The following SLAIN1 variants were observed in gnomAD, a reference collection of about 807,000 sequenced individuals.
The protein encoded by SLAIN1 is SLAIN motif-containing protein 1.
A neutral mutation model predicts 55.4 loss-of-function variants in SLAIN1; 17 were observed. The ratio of observed to expected loss-of-function variants is 0.31; its 90% CI spans 0.21 to 0.46. The LOEUF (loss-of-function observed/expected upper bound fraction) is 0.46. SLAIN1 is among the 20% of genes least tolerant of loss of function. The pLI is 1.00. For missense variants in SLAIN1, 682 were observed against 785.1 expected (o/e 0.87, Z 1.57); for synonymous variants, 348 against 337.4 (o/e 1.03, Z -0.35).
rs570937387 is a variant in SLAIN1 at position 77,730,093 on chromosome 13, T to C, written c.766+10422T>C. The stretch of plus-strand genomic sequence containing the variant: ...GGAAAGGCCCTGCAGTGGGACATAA[T>C]GTGAGGAAACGGCAGGCTGTTGTGG... On this transcript the variant is annotated intron_variant, in intron 2 of 6. Coordinates refer to ENST00000418532, the MANE Select transcript of SLAIN1 (RefSeq NM_001242868.2). Among the ~76,000 whole-genome samples, 142 of 152,216 alleles carry C rather than the reference T, an allele frequency of 9.3e-4. 1 individual carries two copies. Among genetic ancestry groups the C allele is most frequent in the African/African-American group, 3.2e-3 (134 of 41,534 alleles).
At chr13:77,728,152 G>A (rs529530894) in intron 2 of SLAIN1, among the ~76,000 whole-genome samples, 4 of 151,614 alleles carry the variant, frequency 2.6e-5, no homozygotes, top group East Asian at 1.9e-4. Context: ...TTTCTAACTC[G>A]CCCATCTTTC....
Position 77,697,997 on chromosome 13 carries a change from G to A in SLAIN1, c.84G>A (p.Glu28=). ...GGCCGGTGGTGAACGCGGAGCTGGA[G>A]GTGAAGAAGCTGCAGGAGCTGGTGC... ...GSGPVVNAEL[E]VKKLQELVRK... Residue 28 remains glutamate (E), a synonymous_variant, in exon 1 of 7, where the codon GAG becomes GAA. Transcript: ENST00000418532. 1.4e-6 allele frequency: 2 copies of A among 1,441,970 alleles called. No homozygotes were observed. Among genetic ancestry groups the A allele is most frequent in the Non-Finnish European group, 9.2e-7 (1 of 1,087,738 alleles). 89.3% of individuals were successfully genotyped at this position (1,441,970 alleles called of 1,614,324 possible).
rs376952739 is a variant in SLAIN1, at chr13:77,731,274, A to G, written c.766+11603A>G. Among the ~76,000 whole-genome samples, 4 of 152,194 alleles carry G rather than the reference A, an allele frequency of 2.6e-5. No homozygotes were observed. The East Asian group carries it at 5.8e-4, about 22-fold the overall frequency. ...TGGGAGTTTATCTATAGTATAACAA[A>G]TTTCAGACATTTTATAAGTAATATT... On this transcript the variant is annotated intron_variant, in intron 2 of 6. Transcript: ENST00000418532.
chr13:77,706,665 G>A (rs1342588783), intron 1 of SLAIN1, among the ~76,000 whole-genome samples: 2 of 129,770 alleles, frequency 1.5e-5, no homozygotes, highest in Non-Finnish European at 3.1e-5. Context: ...AATCCTTTTC[G>A]TTTGTATTTT....
chr13:77,700,586 A>G (rs886501950), intron 1 of SLAIN1, among the ~76,000 whole-genome samples: 1 of 152,184 alleles, frequency 6.6e-6, no homozygotes, highest in Non-Finnish European at 1.5e-5. Context: ...AATCTTTTTG[A>G]TGAAGAAAAT....
chr13:77,740,059 G>A (rs1003908076), intron 2 of SLAIN1, among the ~76,000 whole-genome samples: 13 of 152,046 alleles, frequency 8.6e-5, no homozygotes, highest in African/African-American at 3.1e-4. Context: ...TAACCAATAA[G>A]GGTGCATCCT....
intron 1 of SLAIN1, among the ~76,000 whole-genome samples, chr13:77,715,565 A>G (rs2091198583): frequency 6.6e-6 from 1 of 152,246 alleles, no homozygotes; most frequent in Admixed American, 6.5e-5. Context: ...CAGTGTATGA[A>G]GTTTTCAGTG....
At chr13:77,759,345 G>T (rs1410035995) in intron 5 of SLAIN1, among the ~76,000 whole-genome samples, 1 of 151,976 alleles carries the variant, frequency 6.6e-6, no homozygotes, top group East Asian at 1.9e-4. Flanking sequence ...AATCTTCAGG[G>T]TTTTCTAGGT....
intron 2 of SLAIN1, among the ~76,000 whole-genome samples, chr13:77,733,701 TTACAG>T (rs1173542964): frequency 1.3e-5 from 2 of 152,196 alleles, no homozygotes; most frequent in South Asian, 2.1e-4. Flanking sequence ...GACAAATACA[TTACAG>T]TTGAATTCTC....
intron 2 of SLAIN1, among the ~76,000 whole-genome samples, chr13:77,731,777 G>T (rs761268403): frequency 2.0e-5 from 3 of 152,076 alleles, no homozygotes; most frequent in Non-Finnish European, 4.4e-5. Flanking sequence ...AGATGGATAC[G>T]GAGAAGGTGC....
rs1366604493 is a variant in SLAIN1 at position 77,746,500 on chromosome 13, T to C, written c.917-14T>C. On this transcript the variant is annotated splice_polypyrimidine_tract_variant and intron_variant, in intron 3 of 6. Transcript: ENST00000418532. ...AGATCAAAATACATTAGAGTACTAT[T>C]TGTTATTTTATAGGTCTCAGGCAAG... 9 of 1,579,304 alleles carry C rather than the reference T, an allele frequency of 5.7e-6. No individual in the cohort carries two copies. The highest frequency in any genetic ancestry group is 7.8e-6 in the Non-Finnish European group (9 of 1,157,206).
chr13:77,702,140 G>A (rs1318517058), intron 1 of SLAIN1, among the ~76,000 whole-genome samples: 2 of 150,946 alleles, frequency 1.3e-5, no homozygotes, highest in Non-Finnish European at 3.0e-5. Flanking sequence ...GTGTATATGT[G>A]CCACATTTTC....
At chr13:77,728,616 A>G (rs2154409939) in intron 2 of SLAIN1, among the ~76,000 whole-genome samples, 1 of 152,336 alleles carries the variant, frequency 6.6e-6, no homozygotes, top group East Asian at 1.9e-4. Context: ...TTCATATGGT[A>G]CCAGTTCCCA....
At chr13:77,705,108 G>A (rs930143410) in intron 1 of SLAIN1, among the ~76,000 whole-genome samples, 1 of 151,582 alleles carries the variant, frequency 6.6e-6, no homozygotes, top group East Asian at 1.9e-4. Context: ...ATATGTGACT[G>A]TACCATTTGT....
Position 77,761,069 on chromosome 13 carries a change from G to T in SLAIN1, c.1656G>T (p.Gly552=), listed in dbSNP as rs200687166. 6.2e-7 allele frequency: 1 copy of T among 1,614,164 alleles called. No homozygotes were observed. The highest frequency in any genetic ancestry group is 2.2e-5 in the East Asian group (1 of 44,894). The change falls in exon 6 of 7, where the codon GGG becomes GGT. Residue 552 remains glycine, a synonymous_variant. Transcript: ENST00000418532. ...CAAGACCTTCGTTGGCAATAAATGGGAGTAACCTGCCTCGAAGCAAAATTG... is the reference window on the plus strand; with the variant it reads ...CAAGACCTTCGTTGGCAATAAATGGTAGTAACCTGCCTCGAAGCAAAATTG... ...ALPRPSLAIN[G]SNLPRSKIAQ...
At chr13:77,717,640 T>A (rs1308709426) in intron 1 of SLAIN1, among the ~76,000 whole-genome samples, 1 of 152,168 alleles carries the variant, frequency 6.6e-6, no homozygotes. Flanking sequence ...TCTCAGTTTC[T>A]GTTGGCTAGG....
At chr13:77,706,931 T>G (rs1037024361) in intron 1 of SLAIN1, among the ~76,000 whole-genome samples, 1 of 152,204 alleles carries the variant, frequency 6.6e-6, no homozygotes, top group Non-Finnish European at 1.5e-5. Context: ...CCTTTTTGAC[T>G]TTTTCTTTTG....
chr13:77,707,544 C>A (rs373147259), intron 1 of SLAIN1, among the ~76,000 whole-genome samples: 2 of 152,074 alleles, frequency 1.3e-5, no homozygotes, highest in East Asian at 3.9e-4. Context: ...TCTGTTCATA[C>A]CCAAAGGAGG....
chr13:77,756,943 A>G (rs1399974367), intron 5 of SLAIN1, among the ~76,000 whole-genome samples: 2 of 152,122 alleles, frequency 1.3e-5, no homozygotes, highest in Admixed American at 6.6e-5. Context: ...TTTTATCTTG[A>G]TATGATTAGT....
Sources: gnomAD v4.1 joint callset for allele counts (sites outside exome capture counted in the v4.1 genomes callset) on GRCh38, gnomAD v4.1.1 for gene constraint, MANE v1.5 for transcripts, NCBI Gene and HGNC (gene_info 2026-07-23, HGNC 2026-07-21) for gene names.